ARHGAP24: variants seen among roughly 807,000 people sequenced by gnomAD.
ARHGAP24 encodes the protein Rho GTPase activating protein 24, also known as rho GTPase-activating protein 24.
A neutral mutation model predicts 76.4 loss-of-function variants in ARHGAP24; 50 were observed. That is an observed-to-expected ratio of 0.65 (90% CI 0.52 to 0.83). ARHGAP24 has a LOEUF of 0.83. ARHGAP24 is among the 40% of genes least tolerant of loss of function. The pLI is 0.00. For synonymous variants in ARHGAP24, 345 were observed against 323.3 expected (o/e 1.07, Z -0.72); for missense variants, 930 against 914.2 (o/e 1.02, Z -0.22).
At chr4:85,656,262 G>A (rs1027587576) in intron 2 of ARHGAP24, among the ~76,000 whole-genome samples, 1 of 152,116 alleles carries the variant, frequency 6.6e-6, no homozygotes. Flanking sequence ...TGGAACCACT[G>A]AATTTGAAAT....
In ARHGAP24 at chr4:85,570,555, A is replaced by G; in HGVS notation, c.14A>G (p.Asn5Ser). MEEN[N>S]DSTENPQQGQ... The stretch of plus-strand genomic sequence containing the variant: ...ATCAGCTTGATAATGGAGGAGAACA[A>G]TGACTCCACGGAGAACCCCCAACAA... The change falls in exon 2 of 10, where the codon AAT becomes AGT. Residue 5 changes from asparagine to serine, a missense_variant. Asn to Ser is a conservative substitution (Grantham distance 46). Coordinates refer to ENST00000395184, the MANE Select transcript of ARHGAP24 (RefSeq NM_001025616.3). The G allele has an allele frequency of 6.2e-7, 1 of 1,613,970 alleles. No individual in the cohort carries two copies. The highest frequency in any genetic ancestry group is 8.5e-7 in the Non-Finnish European group (1 of 1,180,002).
At chr4:85,551,912 C>A (rs1351919227) in intron 1 of ARHGAP24, among the ~76,000 whole-genome samples, 1 of 151,954 alleles carries the variant, frequency 6.6e-6, no homozygotes, top group Admixed American at 6.6e-5. Context: ...GACCTTCTTT[C>A]TTTTATTCAT....
At chr4:85,993,678 T>C (rs982257952) in intron 8 of ARHGAP24, among the ~76,000 whole-genome samples, 45 of 152,174 alleles carry the variant, frequency 3.0e-4, no homozygotes, top group African/African-American at 1.1e-3. Flanking sequence ...TTAAGTATTT[T>C]ATATAGAAAC....
intron 1 of ARHGAP24, among the ~76,000 whole-genome samples, chr4:85,548,545 A>C (rs974813273): frequency 1.3e-5 from 2 of 152,178 alleles, no homozygotes; most frequent in African/African-American, 2.4e-5. Flanking sequence ...CATTTGTTAT[A>C]TTCAATATAT....
chr4:85,916,889 A>G (rs1412658011), intron 3 of ARHGAP24, among the ~76,000 whole-genome samples: 7 of 152,182 alleles, frequency 4.6e-5, no homozygotes, highest in Non-Finnish European at 8.8e-5. Flanking sequence ...CATATCTTCT[A>G]AGAAAGACAT....
At chr4:85,503,203 C>A (rs995770779) in intron 1 of ARHGAP24, among the ~76,000 whole-genome samples, 7 of 152,114 alleles carry the variant, frequency 4.6e-5, no homozygotes, top group South Asian at 4.1e-4. Flanking sequence ...CTCTGCCAGG[C>A]TTTCGTATCA....
intron 4 of ARHGAP24, 40 bp from the exon 5 acceptor site, chr4:85,942,026 G>A: frequency 6.3e-7 from 1 of 1,592,536 alleles, no homozygotes; most frequent in South Asian, 1.1e-5. Flanking sequence ...AGTGGGAAGA[G>A]ATAAATTTCC....
At chr4:85,673,115 A>G (rs1560579469) in intron 2 of ARHGAP24, among the ~76,000 whole-genome samples, 1 of 152,168 alleles carries the variant, frequency 6.6e-6, no homozygotes, top group Non-Finnish European at 1.5e-5. Context: ...GGTAAGCATG[A>G]GCTTGCACAA....
At chr4:85,897,563 G>A (rs532934579) in intron 3 of ARHGAP24, among the ~76,000 whole-genome samples, 19 of 152,264 alleles carry the variant, frequency 1.2e-4, no homozygotes, top group African/African-American at 4.6e-4. Context: ...CTAAAGAAAT[G>A]GAGACAAAAA....
chr4:85,582,448 T>C (rs911161535), intron 2 of ARHGAP24, among the ~76,000 whole-genome samples: 1 of 152,132 alleles, frequency 6.6e-6, no homozygotes, highest in Non-Finnish European at 1.5e-5. Context: ...ATTTTAAAGA[T>C]ATGGACAATC....
chr4:85,597,174 A>C (rs1719870099), intron 2 of ARHGAP24, among the ~76,000 whole-genome samples: 1 of 152,138 alleles, frequency 6.6e-6, no homozygotes, highest in African/African-American at 2.4e-5. Flanking sequence ...CAAGCTTAGA[A>C]AGTATTCTTT....
chr4:85,930,374 T>C, intron 4 of ARHGAP24: 1 of 987,090 alleles, frequency 1.0e-6, no homozygotes, highest in Non-Finnish European at 1.2e-6. Flanking sequence ...AAGAAATCTA[T>C]CATGCACTGA....
chr4:85,932,863 T>C (rs1578403499), intron 4 of ARHGAP24, among the ~76,000 whole-genome samples: 2 of 152,250 alleles, frequency 1.3e-5, no homozygotes, highest in Admixed American at 6.5e-5. Flanking sequence ...GTGCCCACAG[T>C]TCTGCAGTGG....
chr4:85,986,008 T>C (rs1399059308), intron 8 of ARHGAP24, among the ~76,000 whole-genome samples: 1 of 152,222 alleles, frequency 6.6e-6, no homozygotes, highest in African/African-American at 2.4e-5. Context: ...CTTATTTTGG[T>C]GGATGTTTAA....
intron 1 of ARHGAP24, among the ~76,000 whole-genome samples, chr4:85,480,074 A>C (rs557211320): frequency 6.6e-6 from 1 of 152,328 alleles, no homozygotes; most frequent in South Asian, 2.1e-4. Context: ...TACTTACTAT[A>C]ATCACATTAC....
At chr4:85,708,611 T>C (rs1259111269) in intron 2 of ARHGAP24, among the ~76,000 whole-genome samples, 1 of 152,192 alleles carries the variant, frequency 6.6e-6, no homozygotes, top group East Asian at 1.9e-4. Flanking sequence ...AATGCATATC[T>C]TACTCGTCTT....
At chr4:85,895,052 G>A (rs994592439) in intron 3 of ARHGAP24, among the ~76,000 whole-genome samples, 4 of 138,272 alleles carry the variant, frequency 2.9e-5, no homozygotes, top group East Asian at 2.2e-4. Context: ...GGGGACTCAC[G>A]AGGGAAGATC....
chr4:85,723,470 C>G (rs967362551), intron 3 of ARHGAP24: 1 of 152,158 alleles, frequency 6.6e-6, no homozygotes, highest in African/African-American at 2.4e-5. Context: ...ACATGCAGTG[C>G]GTATGACATA....
intron 2 of ARHGAP24, among the ~76,000 whole-genome samples, chr4:85,621,430 G>A (rs546140466): frequency 1.2e-4 from 19 of 152,022 alleles, no homozygotes; most frequent in Middle Eastern, 3.4e-3. Flanking sequence ...GCCAACATCT[G>A]TTATATTTTG....
Sources: allele counts gnomAD v4.1 joint callset (sites outside exome capture counted in the v4.1 genomes callset), GRCh38; gene constraint gnomAD v4.1.1; transcripts MANE v1.5; gene names NCBI Gene and HGNC (gene_info 2026-07-23, HGNC 2026-07-21).